Variants in THSD7A observed in about 807,000 individuals in gnomAD.
THSD7A encodes the protein thrombospondin type-1 domain-containing protein 7A.
A neutral mutation model predicts 231.3 loss-of-function variants in THSD7A; 96 were observed. The ratio of observed to expected loss-of-function variants is 0.41; its 90% CI spans 0.35 to 0.49. The LOEUF is 0.49. Among genes scored for constraint, THSD7A ranks in the 20% least tolerant of loss-of-function variants. The pLI is 0.05. For synonymous variants in THSD7A, 940 were observed against 743.3 expected, an observed-to-expected ratio of 1.26 and a Z score of -4.30; for missense variants, 2,290 against 2,070.2, an observed-to-expected ratio of 1.11 and a Z score of -2.06.
intron 6 of THSD7A, among the ~76,000 whole-genome samples, chr7:11,504,424 A>G (rs1015249394): frequency 7.2e-5 from 11 of 152,184 alleles, no homozygotes; most frequent in African/African-American, 2.7e-4. Context: ...GTGTACAACA[A>G]AAGTCTGTGA....
At chr7:11,820,877 C>T (rs1583317831) in intron 1 of THSD7A, 7 of 901,266 alleles carry the variant, frequency 7.8e-6, no homozygotes, top group South Asian at 5.5e-5. Flanking sequence ...ACCTTTCCCT[C>T]GAGTGGCTGG....
At chr7:11,547,770 A>C (rs1789459602) in intron 4 of THSD7A, among the ~76,000 whole-genome samples, 1 of 152,238 alleles carries the variant, frequency 6.6e-6, no homozygotes, top group Non-Finnish European at 1.5e-5. Context: ...ACTTTTGGGT[A>C]ATCAATGAGA....
intron 1 of THSD7A, among the ~76,000 whole-genome samples, chr7:11,649,360 C>G (rs987571677): frequency 2.0e-5 from 3 of 151,936 alleles, no homozygotes; most frequent in Admixed American, 6.6e-5. Flanking sequence ...TAAACTGTAC[C>G]TGAATTTCTG....
intron 1 of THSD7A, among the ~76,000 whole-genome samples, chr7:11,763,650 G>C (rs1782935163): frequency 6.6e-6 from 1 of 152,118 alleles, no homozygotes; most frequent in South Asian, 2.1e-4. Flanking sequence ...TAAACAGTAA[G>C]AAATTAGGTT....
At chr7:11,521,205 A>G (rs1410197908) in intron 6 of THSD7A, among the ~76,000 whole-genome samples, 1 of 146,804 alleles carries the variant, frequency 6.8e-6, no homozygotes, top group African/African-American at 2.6e-5. Context: ...CAAATACAGA[A>G]CAGTCCTTAA....
At chr7:11,433,090 A>G (rs1385231536) in intron 13 of THSD7A, among the ~76,000 whole-genome samples, 1 of 152,056 alleles carries the variant, frequency 6.6e-6, no homozygotes, top group Admixed American at 6.6e-5. Context: ...CATATATTCA[A>G]GATGACTTTT....
intron 1 of THSD7A, among the ~76,000 whole-genome samples, chr7:11,683,464 A>G (rs1018035365): frequency 2.0e-5 from 3 of 152,018 alleles, no homozygotes; most frequent in Admixed American, 2.0e-4. Flanking sequence ...GATAAACAAG[A>G]TCGATAGAAT....
chr7:11,724,925 CTCT>C (rs373126536), intron 1 of THSD7A, among the ~76,000 whole-genome samples: 34 of 151,298 alleles, frequency 2.2e-4, no homozygotes, highest in African/African-American at 6.5e-4. Flanking sequence ...CTAACCTCAT[CTCT>C]TCTTCTTCTT....
At chr7:11,593,541 G>T in intron 2 of THSD7A, 39 bp from the exon 3 acceptor site, 1 of 1,601,354 alleles carries the variant, frequency 6.2e-7, no homozygotes, top group Non-Finnish European at 8.5e-7. Flanking sequence ...CAGACTCACA[G>T]GCAGTTATGA....
At chr7:11,650,145 G>A (rs1782436421) in intron 1 of THSD7A, among the ~76,000 whole-genome samples, 1 of 152,074 alleles carries the variant, frequency 6.6e-6, no homozygotes, top group South Asian at 2.1e-4. Context: ...TTCTAGTTTA[G>A]ATACAACTCA....
chr7:11,663,144 AACT>A (rs1339400452), intron 1 of THSD7A, among the ~76,000 whole-genome samples: 1 of 151,390 alleles, frequency 6.6e-6, no homozygotes, highest in African/African-American at 2.4e-5. Flanking sequence ...TCTAATTGAT[AACT>A]ACTAATATAA....
chr7:11,789,533 T>C lies in THSD7A; in HGVS notation c.190+42224A>G, dbSNP rs929208293. 2.3e-4 allele frequency among the ~76,000 whole-genome samples: 34 copies of C among 150,618 alleles called. No homozygotes were observed. The Admixed American group carries it at 2.3e-3, about 10-fold the overall frequency. ...ACACTTATTTGATTATGAATAAGGTTGAATATGTTTTTGCCCATTTATTTG... is the reference window on the plus strand; with the variant it reads ...ACACTTATTTGATTATGAATAAGGTCGAATATGTTTTTGCCCATTTATTTG... On this transcript the variant is annotated intron_variant, in intron 1 of 27. Transcript: ENST00000423059.
intron 26 of THSD7A, chr7:11,378,020 C>G (rs1415340386): frequency 6.6e-6 from 1 of 151,988 alleles, no homozygotes. Context: ...CAAAATAAAT[C>G]ATACTATCAG....
rs375140301 is a variant in THSD7A at position 11,446,095 on chromosome 7, G to T, written c.3030C>A (p.Gly1010=). The T allele has an allele frequency of 1.3e-5, 21 of 1,613,314 alleles. No homozygotes were observed. The African/African-American group carries it at 2.7e-4, about 21-fold the overall frequency. Residue 1010 remains glycine (G), a synonymous_variant, in exon 13 of 28, where the codon GGC becomes GGA. Coordinates refer to ENST00000423059, the MANE Select transcript of THSD7A (RefSeq NM_015204.3). This position sits in a 1 kb window ranked among gnomAD's most constrained non-coding sequence, Gnocchi z 4.0. ...YQAMACYDQN[G]RLVETSRCNS... ...TACATCTAGATGTTTCCACAAGCCT[G>T]CCATTTTGATCGTAGCATGCCATTG... is the stretch of plus-strand genomic sequence containing the variant.
rs138748474 is a variant in THSD7A, at chr7:11,637,053, C to T, written c.191-92G>A. The T allele has an allele frequency of 4.9e-4, 571 of 1,165,720 alleles. 3 individuals carry two copies. The highest frequency in any genetic ancestry group is 1.6e-3 in the South Asian group (108 of 66,868). 72.2% of individuals were successfully genotyped at this position (1,165,720 alleles called of 1,614,324 possible). A position where few individuals can be genotyped will look rare whatever the true frequency, so the allele number is the denominator to read the frequency against. On this transcript the variant is annotated intron_variant, in intron 1 of 27. Coordinates refer to ENST00000423059, the MANE Select transcript of THSD7A (RefSeq NM_015204.3). This position sits in a 1 kb window ranked among gnomAD's most constrained non-coding sequence, Gnocchi z 4.2. ...CAGAAAGACCTTTCAAGACCTAGTA[C>T]ATTAACTTCCCTGCGGTGTTACAAA...
chr7:11,516,831 C>A (rs74431557), intron 6 of THSD7A, among the ~76,000 whole-genome samples: 33 of 152,216 alleles, frequency 2.2e-4, no homozygotes, highest in African/African-American at 7.5e-4. Context: ...GGATATGGCA[C>A]CAATTGTCAT....
chr7:11,468,520 T>C lies in THSD7A; in HGVS notation c.2368+1359A>G, dbSNP rs76981883. On this transcript the variant is annotated intron_variant, in intron 9 of 27. Transcript: ENST00000423059. The stretch of plus-strand genomic sequence containing the variant: ...TAACTCCTTTTAATTTGCCAAAAGC[T>C]ATTTAAATGTCTTAAAAGACTCCTA... 3.3e-3 allele frequency among the ~76,000 whole-genome samples: 504 copies of C among 152,286 alleles called. 3 individuals are homozygous for C. The highest frequency in any genetic ancestry group is 0.012 in the African/African-American group (480 of 41,586).
At chr7:11,499,068 G>A (rs1481884202) in intron 6 of THSD7A, among the ~76,000 whole-genome samples, 2 of 152,178 alleles carry the variant, frequency 1.3e-5, no homozygotes, top group Non-Finnish European at 2.9e-5. Flanking sequence ...TGCCTCTGTA[G>A]TGGAACAGCC....
intron 1 of THSD7A, among the ~76,000 whole-genome samples, chr7:11,662,576 T>C (rs1423759926): frequency 6.6e-6 from 1 of 151,348 alleles, no homozygotes; most frequent in African/African-American, 2.4e-5. Context: ...CACACACACA[T>C]ATAAATACAA....
Sources: gnomAD v4.1 joint callset for allele counts (sites outside exome capture counted in the v4.1 genomes callset) on GRCh38, gnomAD v4.1.1 for gene constraint, Gnocchi (gnomAD v3.1) non-coding constraint, MANE v1.5 for transcripts, NCBI Gene and HGNC (gene_info 2026-07-23, HGNC 2026-07-21) for gene names.